The following ATRNL1 variants were observed in gnomAD, a reference collection of about 807,000 sequenced individuals.
ATRNL1 encodes attractin like 1.
ATRNL1 carries 95 observed loss-of-function variants against 182.7 expected under a neutral mutation model. That is an observed-to-expected ratio of 0.52 (90% CI 0.44 to 0.62). The LOEUF (loss-of-function observed/expected upper bound fraction) is 0.62, where lower values mean the gene tolerates loss of function less well. Among genes scored for constraint, ATRNL1 ranks in the 20% least tolerant of loss-of-function variants. The pLI is 0.00. For missense variants in ATRNL1, 1,471 were observed against 1,679.5 expected (o/e 0.88, Z 2.17); for synonymous variants, 576 against 568.3 (o/e 1.01, Z -0.19).
intron 20 of ATRNL1, among the ~76,000 whole-genome samples, chr10:115,423,042 G>A (rs994815472): frequency 3.3e-5 from 5 of 152,124 alleles, no homozygotes; most frequent in Non-Finnish European, 7.4e-5. Context: ...TAAGAAAAAT[G>A]ATAGGAAAAC....
chr10:115,591,628 C>T (rs1282991901), intron 26 of ATRNL1, among the ~76,000 whole-genome samples: 5 of 152,142 alleles, frequency 3.3e-5, no homozygotes, highest in African/African-American at 4.8e-5. Flanking sequence ...ATGAAATATT[C>T]GTGGAGCATT....
At chr10:115,852,079 A>G (rs976029277) in intron 28 of ATRNL1, among the ~76,000 whole-genome samples, 6 of 152,328 alleles carry the variant, frequency 3.9e-5, no homozygotes, top group Middle Eastern at 3.4e-3. Context: ...GGATTTCATA[A>G]TTTGTGGATT....
chr10:115,545,696 A>T (rs1258936156), intron 25 of ATRNL1, among the ~76,000 whole-genome samples: 1 of 152,230 alleles, frequency 6.6e-6, no homozygotes, highest in African/African-American at 2.4e-5. Flanking sequence ...GTTGTGAATT[A>T]TTAATCATAT....
Position 115,536,202 on chromosome 10 carries a change from C to T in ATRNL1, c.3717-13256C>T, listed in dbSNP as rs565353997. 2.6e-3 allele frequency among the ~76,000 whole-genome samples: 390 copies of T among 152,286 alleles called. 1 individual carries two copies. Among genetic ancestry groups the T allele is most frequent in the African/African-American group, 8.8e-3 (365 of 41,578 alleles). On this transcript the variant is annotated intron_variant, in intron 25 of 28. Transcript: ENST00000355044. ...TGCTGTGTTTTTGTTTGTCTGTGCC[C>T]TGCCCCCAGAGGTGGAGCCTACAGA...
At chr10:115,187,684 TTTTTTTC>T (rs1847998485) in intron 8 of ATRNL1, among the ~76,000 whole-genome samples, 3 of 149,204 alleles carry the variant, frequency 2.0e-5, no homozygotes, top group Non-Finnish European at 4.5e-5. Flanking sequence ...TTTTTTTTTT[TTTTTTTC>T]TTTTTTCTTT....
chr10:115,720,046 A>T (rs1947375162), intron 26 of ATRNL1, among the ~76,000 whole-genome samples: 1 of 152,018 alleles, frequency 6.6e-6, no homozygotes, highest in African/African-American at 2.4e-5. Flanking sequence ...ATTTTTTAGT[A>T]GAGACAGAGT....
intron 28 of ATRNL1, among the ~76,000 whole-genome samples, chr10:115,925,589 G>GA (rs202007097): frequency 0.01 from 1,461 of 144,308 alleles, 20 homozygotes; most frequent in African/African-American, 0.035. Flanking sequence ...TGGAAAGAAA[G>GA]AAAAAAAAAA....
chr10:115,665,739 G>A (rs1315062027), intron 26 of ATRNL1, among the ~76,000 whole-genome samples: 2 of 152,034 alleles, frequency 1.3e-5, no homozygotes, highest in African/African-American at 2.4e-5. Flanking sequence ...GCTCATCCAG[G>A]GCAACCTGTG....
intron 20 of ATRNL1, among the ~76,000 whole-genome samples, chr10:115,400,228 C>T (rs1554956647): frequency 1.3e-5 from 2 of 152,004 alleles, no homozygotes; most frequent in Admixed American, 6.6e-5. Flanking sequence ...CTTCCTTACA[C>T]TGTTAATGCA....
intron 27 of ATRNL1, among the ~76,000 whole-genome samples, chr10:115,772,391 A>G (rs1466742988): frequency 6.6e-6 from 1 of 152,170 alleles, no homozygotes; most frequent in African/African-American, 2.4e-5. Flanking sequence ...TTAGGTATCA[A>G]CTCATTGACA....
intron 22 of ATRNL1, among the ~76,000 whole-genome samples, chr10:115,464,621 CA>C (rs1328692001): frequency 2.0e-5 from 3 of 151,856 alleles, no homozygotes; most frequent in Admixed American, 6.6e-5. Context: ...ACTAAAAATT[CA>C]AAAAGAGTTT....
At chr10:115,114,313 G>C (rs1844383726) in intron 1 of ATRNL1, among the ~76,000 whole-genome samples, 1 of 152,256 alleles carries the variant, frequency 6.6e-6, no homozygotes. Flanking sequence ...AGGAAACATA[G>C]GAGAAAAGCT....
At chr10:115,466,934 T>G (rs1046976873) in intron 22 of ATRNL1, among the ~76,000 whole-genome samples, 1 of 151,048 alleles carries the variant, frequency 6.6e-6, no homozygotes, top group African/African-American at 2.4e-5. Context: ...GCCTCTGGCT[T>G]ACATACAAAA....
At chr10:115,300,996 A>G (rs1554924298) in intron 16 of ATRNL1, among the ~76,000 whole-genome samples, 1 of 152,120 alleles carries the variant, frequency 6.6e-6, no homozygotes, top group Non-Finnish European at 1.5e-5. Flanking sequence ...CATACAGTAT[A>G]TGTGCTTTGT....
intron 28 of ATRNL1, among the ~76,000 whole-genome samples, chr10:115,850,260 A>G (rs892638502): frequency 6.6e-6 from 1 of 152,200 alleles, no homozygotes; most frequent in East Asian, 1.9e-4. Flanking sequence ...TAACTTTGAT[A>G]TATGTTTAAA....
chr10:115,843,267 G>A (rs527587391), intron 27 of ATRNL1, among the ~76,000 whole-genome samples: 28 of 152,144 alleles, frequency 1.8e-4, no homozygotes, highest in African/African-American at 5.3e-4. Flanking sequence ...CACAAGCACC[G>A]TGCTTGGACA....
chr10:115,600,786 G>A (rs1324436881), intron 26 of ATRNL1, among the ~76,000 whole-genome samples: 3 of 151,854 alleles, frequency 2.0e-5, no homozygotes, highest in Non-Finnish European at 2.9e-5. Context: ...TCTACTTAAG[G>A]AAACGTCCAT....
chr10:115,254,658 A>G (rs1374201828), intron 10 of ATRNL1, among the ~76,000 whole-genome samples: 13 of 152,112 alleles, frequency 8.5e-5, no homozygotes, highest in East Asian at 3.9e-4. Context: ...CCATTTGTCA[A>G]TTTTGGCTTT....
rs1852272609 is a variant in ATRNL1, at chr10:115,540,184, C to T, written c.3717-9274C>T. Reference sequence around the variant, plus strand: ...AGTGCTTTATAAACTTCTGGGATCTCTCCTGAGCTGCCTGTGTGCTGATCT... The same window carrying T: ...AGTGCTTTATAAACTTCTGGGATCTTTCCTGAGCTGCCTGTGTGCTGATCT... On this transcript the variant is annotated intron_variant, in intron 25 of 28. Coordinates refer to ENST00000355044, the MANE Select transcript of ATRNL1 (RefSeq NM_207303.4). 1.3e-5 allele frequency among the ~76,000 whole-genome samples: 2 copies of T among 151,898 alleles called. 1 individual carries two copies. Among genetic ancestry groups the T allele is most frequent in the Admixed American group, 1.3e-4 (2 of 15,244 alleles).
Sources: gnomAD v4.1 joint callset for allele counts (sites outside exome capture counted in the v4.1 genomes callset) on GRCh38, gnomAD v4.1.1 for gene constraint, MANE v1.5 for transcripts, NCBI Gene and HGNC (gene_info 2026-07-23, HGNC 2026-07-21) for gene names.